Variants in SGCD observed in about 807,000 individuals in gnomAD.
SGCD encodes delta-sarcoglycan.
SGCD carries 18 observed loss-of-function variants against 36.6 expected under a neutral mutation model. The observed-to-expected ratio is 0.49, with a 90% CI of 0.34 to 0.73. SGCD has a LOEUF of 0.73. SGCD is among the 30% of genes least tolerant of loss of function. The pLI, the probability that SGCD is intolerant of heterozygous loss-of-function variation, is 0.01. For missense variants in SGCD, 387 were observed against 346.7 expected, an observed-to-expected ratio of 1.12 and a Z score of -0.92; for synonymous variants, 133 against 130.6, an observed-to-expected ratio of 1.02 and a Z score of -0.12.
intron 3 of SGCD, among the ~76,000 whole-genome samples, chr5:156,381,209 T>C (rs1200471316): frequency 1.3e-5 from 2 of 152,106 alleles, no homozygotes; most frequent in Non-Finnish European, 2.9e-5. Flanking sequence ...GGAATGAGGG[T>C]TATGAAGTGA....
chr5:156,325,173 G>A (rs187736811), upstream of SGCD, among the ~76,000 whole-genome samples: 723 of 152,076 alleles, frequency 4.8e-3, 6 homozygotes, highest in Non-Finnish European at 5.9e-3. Flanking sequence ...ATGGAAAGTA[G>A]CGGTATAGCT....
At chr5:156,206,203 T>G (rs1180608148) in intron 3 of SGCD, among the ~76,000 whole-genome samples, 1 of 151,846 alleles carries the variant, frequency 6.6e-6, no homozygotes. Flanking sequence ...GTGTGAAAAT[T>G]GTTTTGTACT....
At position 156,108,537 on chromosome 5, in the gene SGCD, T is replaced by G. The variant is rs867505375; in HGVS notation, c.-281-9341T>G. Among the ~76,000 whole-genome samples the G allele has an allele frequency of 3.3e-5, 5 of 152,312 alleles. No homozygotes were observed. The South Asian group carries it at 1.0e-3, about 32-fold the overall frequency. On this transcript the variant is annotated intron_variant, in intron 1 of 9. Coordinates refer to the SGCD transcript ENST00000517913. ...TATACATATTAATAATGAAATTTAC[T>G]GGGTATTTATCAAATATATGGAATA...
chr5:155,781,243 T>A, the SGCD span, among the ~76,000 whole-genome samples: 1 of 152,296 alleles, frequency 6.6e-6, no homozygotes, highest in South Asian at 2.1e-4. Context: ...GTTGAAGATT[T>A]TTTTGGTAAA....
intron 3 of SGCD, among the ~76,000 whole-genome samples, chr5:156,434,994 C>T (rs1377712394): frequency 6.6e-6 from 1 of 152,148 alleles, no homozygotes; most frequent in Admixed American, 6.5e-5. Flanking sequence ...TACACTTAAG[C>T]GTGTCATGTG....
In SGCD at chr5:156,099,293, G is replaced by A. The variant is rs79674070; in HGVS notation, c.-281-18585G>A. Reference sequence around the variant, plus strand: ...GCCATCTTATCCTGACCATAAATGTGTGCTGTACTCTTTGACTGCTTATTT... The same window carrying A: ...GCCATCTTATCCTGACCATAAATGTATGCTGTACTCTTTGACTGCTTATTT... On this transcript the variant is annotated intron_variant, in intron 1 of 9. Coordinates refer to the SGCD transcript ENST00000517913. Among the ~76,000 whole-genome samples the A allele has an allele frequency of 5.0e-3, 764 of 152,254 alleles. 5 individuals carry two copies. The highest frequency in any genetic ancestry group is 0.018 in the African/African-American group (739 of 41,554).
intron 3 of SGCD, among the ~76,000 whole-genome samples, chr5:156,241,070 T>A (rs146865242): frequency 6.6e-6 from 1 of 152,292 alleles, no homozygotes; most frequent in East Asian, 1.9e-4. Context: ...GGGCATACAC[T>A]GAAAGATCTA....
At chr5:156,035,095 T>G (rs1394183042) in intron 1 of SGCD, among the ~76,000 whole-genome samples, 1 of 152,216 alleles carries the variant, frequency 6.6e-6, no homozygotes, top group Non-Finnish European at 1.5e-5. Context: ...ATTCTGTTAT[T>G]TCAGGAATCA....
rs79067988 is a variant in SGCD, at chr5:156,055,622, C to T, written c.-281-62256C>T. On this transcript the variant is annotated intron_variant, in intron 1 of 9. Coordinates refer to the SGCD transcript ENST00000517913. ...GGCAAAGAAAGGAGATTTCAAGGGA[C>T]AGTGTTTAGACTATATATTTTAAAG... Among the ~76,000 whole-genome samples the T allele has an allele frequency of 5.4e-4, 79 of 146,454 alleles. 2 individuals carry two copies. In the East Asian group the frequency reaches 0.015, roughly 27 times the overall value.
At chr5:156,250,429 T>C (rs759322674) in intron 3 of SGCD, among the ~76,000 whole-genome samples, 1 of 152,148 alleles carries the variant, frequency 6.6e-6, no homozygotes, top group African/African-American at 2.4e-5. Context: ...AATAATTTGC[T>C]TTACCCAGTA....
chr5:155,822,325 A>C, the SGCD span, among the ~76,000 whole-genome samples: 2 of 152,206 alleles, frequency 1.3e-5, no homozygotes, highest in African/African-American at 4.8e-5. Context: ...CCCCAGCTGA[A>C]TCAGCTGCAC....
At chr5:156,567,648 A>G (rs1383113929) in intron 4 of SGCD, among the ~76,000 whole-genome samples, 1 of 152,202 alleles carries the variant, frequency 6.6e-6, no homozygotes, top group Non-Finnish European at 1.5e-5. Flanking sequence ...TGCTTTACCC[A>G]GAGTCCACTA....
At chr5:155,773,456 A>G in the SGCD span, among the ~76,000 whole-genome samples, 1 of 152,164 alleles carries the variant, frequency 6.6e-6, no homozygotes, top group Admixed American at 6.5e-5. Context: ...CTGGGTTTAC[A>G]GGTGTAAGCC....
chr5:156,263,315 T>C (rs1765915483), intron 3 of SGCD, among the ~76,000 whole-genome samples: 1 of 152,142 alleles, frequency 6.6e-6, no homozygotes. Context: ...AGGTGGTATC[T>C]CATTGTGGTT....
intron 4 of SGCD, among the ~76,000 whole-genome samples, chr5:156,550,506 G>A (rs1202004635): frequency 1.3e-5 from 2 of 152,210 alleles, no homozygotes; most frequent in East Asian, 1.9e-4. Flanking sequence ...CAGCCAGTAA[G>A]AGCTAACTTT....
the SGCD span, among the ~76,000 whole-genome samples, chr5:155,793,969 A>AAG: frequency 3.3e-5 from 5 of 151,100 alleles, no homozygotes; most frequent in African/African-American, 7.4e-5. Context: ...AAAAAAAAAA[A>AAG]AGAGAGAGAA....
chr5:155,833,799 G>C, the SGCD span, among the ~76,000 whole-genome samples: 1 of 152,330 alleles, frequency 6.6e-6, no homozygotes, highest in Non-Finnish European at 1.5e-5. Flanking sequence ...CATTTGCTGA[G>C]TGCATTTCTA....
intron 7 of SGCD, among the ~76,000 whole-genome samples, chr5:156,742,718 A>G (rs1756747451): frequency 6.6e-6 from 1 of 152,216 alleles, no homozygotes; most frequent in Non-Finnish European, 1.5e-5. Flanking sequence ...GTTCCAGTTC[A>G]TGTCAGAAGG....
intron 3 of SGCD, among the ~76,000 whole-genome samples, chr5:156,175,729 T>A (rs1763450262): frequency 1.3e-5 from 2 of 152,208 alleles, no homozygotes; most frequent in Admixed American, 1.3e-4. Flanking sequence ...CACTTGGAAG[T>A]CATGGGCTTT....
Sources: gnomAD v4.1 joint callset for allele counts (sites outside exome capture counted in the v4.1 genomes callset) on GRCh38, gnomAD v4.1.1 for gene constraint, MANE v1.5 for transcripts, NCBI Gene and HGNC (gene_info 2026-07-23, HGNC 2026-07-21) for gene names.